The following SKAP1 variants were observed in gnomAD, a reference collection of about 807,000 sequenced individuals.
SKAP1 encodes src kinase associated phosphoprotein 1, also known as src kinase-associated phosphoprotein 1.
In SKAP1, 44 loss-of-function variants were observed where a neutral mutation model predicts 58.5. That is an observed-to-expected ratio of 0.75 (90% CI 0.59 to 0.97). The LOEUF (loss-of-function observed/expected upper bound fraction) is 0.97, where lower values mean the gene tolerates loss of function less well. SKAP1 is among the 50% of genes least tolerant of loss of function. The probability of loss-of-function intolerance (pLI) is 0.00; values close to 1 mark genes in which losing one functional copy is unlikely to be tolerated. For missense variants in SKAP1, 390 were observed against 435.2 expected, an observed-to-expected ratio of 0.90 and a Z score of 0.92; for synonymous variants, 127 against 149.7, an observed-to-expected ratio of 0.85 and a Z score of 1.11.
intron 1 of SKAP1, among the ~76,000 whole-genome samples, chr17:48,409,683 A>G (rs1030216980): frequency 6.6e-6 from 1 of 151,826 alleles, no homozygotes; most frequent in Non-Finnish European, 1.5e-5. Flanking sequence ...AAAAAAAAAA[A>G]AAAGGAATGA....
intron 4 of SKAP1, among the ~76,000 whole-genome samples, chr17:48,332,823 T>A (rs1288492369): frequency 6.6e-6 from 1 of 152,136 alleles, no homozygotes; most frequent in African/African-American, 2.4e-5. Context: ...GTGCAAAAAA[T>A]TTCATAGAAA....
At chr17:48,187,956 T>C in intron 5 of SKAP1, 30 bp from the exon 6 acceptor site, 1 of 1,489,264 alleles carries the variant, frequency 6.7e-7, no homozygotes, top group Non-Finnish European at 9.4e-7. Context: ...GGGACATAAA[T>C]TCAGGTAACT....
chr17:48,348,515 A>C (rs1009124275), intron 3 of SKAP1, among the ~76,000 whole-genome samples: 2 of 152,070 alleles, frequency 1.3e-5, no homozygotes, highest in African/African-American at 4.8e-5. Flanking sequence ...GAGTTCCTAC[A>C]TACCCTTCAC....
chr17:48,206,637 A>T (rs1298417807), intron 4 of SKAP1, among the ~76,000 whole-genome samples: 1 of 152,194 alleles, frequency 6.6e-6, no homozygotes, highest in African/African-American at 2.4e-5. Context: ...CTCCTCCCCT[A>T]TCATAATATA....
At chr17:48,269,277 AAAGT>A (rs2065596294) in intron 4 of SKAP1, among the ~76,000 whole-genome samples, 2 of 152,202 alleles carry the variant, frequency 1.3e-5, no homozygotes, top group Admixed American at 1.3e-4. Context: ...AGAAGTGATA[AAAGT>A]AAATAAATAA....
At chr17:48,355,683 C>T (rs927187798) in intron 3 of SKAP1, among the ~76,000 whole-genome samples, 5 of 152,006 alleles carry the variant, frequency 3.3e-5, no homozygotes, top group East Asian at 1.9e-4. Flanking sequence ...AAAAATTAGC[C>T]GGGCATGGTG....
Position 48,363,838 on chromosome 17 carries a change from A to G in SKAP1, c.153-24T>C, listed in dbSNP as rs77784851. The G allele has an allele frequency of 2.9e-4, 470 of 1,602,010 alleles. 3 individuals carry two copies. In the African/African-American group the frequency reaches 4.9e-3, roughly 17 times the overall value. ...ACCTGAAATACAAGGGGGAAAAAAA[A>G]AGGGAATAAGTCAAACTTGTATTTC... On this transcript the variant is annotated intron_variant, in intron 2 of 12. Coordinates refer to ENST00000336915, the MANE Select transcript of SKAP1 (RefSeq NM_003726.4).
At chr17:48,395,325 T>C (rs1347998886) in intron 2 of SKAP1, among the ~76,000 whole-genome samples, 1 of 152,212 alleles carries the variant, frequency 6.6e-6, no homozygotes. Context: ...CATTGTGTAT[T>C]TGTACCCACA....
Position 48,234,779 on chromosome 17 carries a change from A to T in SKAP1, c.281-45279T>A, listed in dbSNP as rs116280591. Among the ~76,000 whole-genome samples the T allele has an allele frequency of 8.7e-3, 1,324 of 152,314 alleles. 26 individuals are homozygous for T. The highest frequency in any genetic ancestry group is 0.03 in the African/African-American group (1,256 of 41,558). ...CACAGAATGTGATGAGTAAAAAGCAAAATTACAAATGTATGCATTAATACA... is the reference window on the plus strand; with the variant it reads ...CACAGAATGTGATGAGTAAAAAGCATAATTACAAATGTATGCATTAATACA... On this transcript the variant is annotated intron_variant, in intron 4 of 12. Transcript: ENST00000336915.
intron 3 of SKAP1, among the ~76,000 whole-genome samples, chr17:48,355,598 C>A (rs2066865011): frequency 6.6e-6 from 1 of 152,110 alleles, no homozygotes; most frequent in Admixed American, 6.5e-5. Context: ...TTTTTAAATT[C>A]ACTTTTTCAC....
Position 48,276,812 on chromosome 17 carries a change from TTGAC to T in SKAP1, c.280+69089_280+69092del, listed in dbSNP as rs367595213. 2.8e-3 allele frequency among the ~76,000 whole-genome samples: 427 copies of T among 152,356 alleles called. 4 individuals are homozygous for T. The highest frequency in any genetic ancestry group is 9.5e-3 in the African/African-American group (396 of 41,584). On this transcript the variant is annotated intron_variant, in intron 4 of 12. Coordinates refer to ENST00000336915, the MANE Select transcript of SKAP1 (RefSeq NM_003726.4). ...TTACAAGCAATTCAATTTTGCTTAA[TTGAC>T]ATATGTTTCTTTCAGAAGCACAGAT...
chr17:48,420,897 G>A (rs1005248977), intron 1 of SKAP1, among the ~76,000 whole-genome samples: 4 of 152,096 alleles, frequency 2.6e-5, no homozygotes, highest in East Asian at 1.9e-4. Context: ...GCACCCTCCC[G>A]AGCTGTAACA....
intron 8 of SKAP1, among the ~76,000 whole-genome samples, chr17:48,181,603 G>T (rs1256750556): frequency 6.6e-6 from 1 of 152,198 alleles, no homozygotes; most frequent in African/African-American, 2.4e-5. Context: ...AAAAATCTGA[G>T]ATGAAAAGGC....
intron 3 of SKAP1, among the ~76,000 whole-genome samples, chr17:48,357,079 A>G (rs72827844): frequency 0.2 from 29,990 of 152,134 alleles, 3,790 homozygotes; most frequent in South Asian, 0.37. Flanking sequence ...CTAGTCCCCA[A>G]TTGCTGGGCA....
intron 4 of SKAP1, among the ~76,000 whole-genome samples, chr17:48,313,706 T>C (rs1336762657): frequency 6.6e-6 from 1 of 152,228 alleles, no homozygotes; most frequent in Non-Finnish European, 1.5e-5. Flanking sequence ...TCTGAAATTT[T>C]CTGACTTCTC....
intron 4 of SKAP1, chr17:48,344,137 T>A (rs747867305): frequency 6.1e-5 from 10 of 164,694 alleles, no homozygotes; most frequent in Admixed American, 2.6e-4. Flanking sequence ...TAGGTGAGCA[T>A]GCACTCTTTT....
chr17:48,391,155 A>G (rs1177201160), intron 2 of SKAP1, among the ~76,000 whole-genome samples: 3 of 152,238 alleles, frequency 2.0e-5, no homozygotes, highest in Middle Eastern at 3.2e-3. Context: ...TCTTAAAGAT[A>G]TAAAATGAAA....
chr17:48,343,827 A>AG (rs1380113567), intron 4 of SKAP1, among the ~76,000 whole-genome samples: 2 of 152,210 alleles, frequency 1.3e-5, no homozygotes, highest in Non-Finnish European at 2.9e-5. Context: ...AGATAAGGAT[A>AG]GTGGTAAGGA....
intron 1 of SKAP1, 59 bp downstream of exon 1, chr17:48,430,016 C>T: frequency 1.6e-6 from 2 of 1,239,502 alleles, no homozygotes; most frequent in Non-Finnish European, 2.0e-6. Context: ...CGTGGGAGGC[C>T]TGGTGTCCCC....
Sources: allele counts gnomAD v4.1 joint callset (sites outside exome capture counted in the v4.1 genomes callset), GRCh38; gene constraint gnomAD v4.1.1; transcripts MANE v1.5; gene names NCBI Gene and HGNC (gene_info 2026-07-23, HGNC 2026-07-21).